Variants in NRCAM observed in about 807,000 individuals in gnomAD.
NRCAM encodes the protein NgCAM-related cell adhesion molecule.
NRCAM carries 83 observed loss-of-function variants against 156.5 expected under a neutral mutation model. The ratio of observed to expected loss-of-function variants is 0.53; its 90% CI spans 0.44 to 0.64. The LOEUF is 0.64. Among genes scored for constraint, NRCAM ranks in the 30% least tolerant of loss-of-function variants. The pLI, the probability that NRCAM is intolerant of heterozygous loss-of-function variation, is 0.00. For synonymous variants in NRCAM, 538 were observed against 563.9 expected, an observed-to-expected ratio of 0.95 and a Z score of 0.65; for missense variants, 1,417 against 1,597.3, an observed-to-expected ratio of 0.89 and a Z score of 1.92.
intron 28 of NRCAM, among the ~76,000 whole-genome samples, chr7:108,170,511 T>G (rs771754758): frequency 4.3e-4 from 65 of 152,326 alleles, no homozygotes; most frequent in Non-Finnish European, 7.3e-4. Context: ...TCAAAAAGAA[T>G]GCAACCGTTT....
chr7:108,289,488 T>A (rs2098219315), intron 3 of NRCAM, among the ~76,000 whole-genome samples: 1 of 151,994 alleles, frequency 6.6e-6, no homozygotes, highest in African/African-American at 2.4e-5. Context: ...AACTTGTTCC[T>A]CCCATCTAGC....
intron 20 of NRCAM, among the ~76,000 whole-genome samples, chr7:108,187,067 T>C (rs1339512629): frequency 6.6e-6 from 1 of 152,132 alleles, no homozygotes; most frequent in African/African-American, 2.4e-5. Context: ...GTGAATTCAC[T>C]GAAGTACCAC....
chr7:108,172,420 C>T (rs776848102), intron 28 of NRCAM, among the ~76,000 whole-genome samples: 2 of 152,088 alleles, frequency 1.3e-5, no homozygotes, highest in East Asian at 1.9e-4. Context: ...CTCCGCCTCC[C>T]GGGCAGCTAG....
chr7:108,161,462 T>G (rs1225499213), intron 30 of NRCAM, among the ~76,000 whole-genome samples: 1 of 152,238 alleles, frequency 6.6e-6, no homozygotes, highest in African/African-American at 2.4e-5. Flanking sequence ...CCATGCAGAT[T>G]TGCTTAATTA....
intron 2 of NRCAM, among the ~76,000 whole-genome samples, chr7:108,365,091 T>A (rs1417210779): frequency 6.6e-6 from 1 of 152,198 alleles, no homozygotes; most frequent in African/African-American, 2.4e-5. Context: ...CTGGGGAGTA[T>A]AATCTTTGAA....
At chr7:108,355,204 A>G (rs187224584) in intron 2 of NRCAM, among the ~76,000 whole-genome samples, 10 of 152,332 alleles carry the variant, frequency 6.6e-5, no homozygotes, top group Middle Eastern at 3.4e-3. Flanking sequence ...ATTAAAGAGC[A>G]AAGGGACCAT....
chr7:108,216,690 C>T (rs1005181557), intron 11 of NRCAM, among the ~76,000 whole-genome samples: 1 of 152,114 alleles, frequency 6.6e-6, no homozygotes, highest in South Asian at 2.1e-4. Context: ...ATCCTTTCTT[C>T]CACTTGTTTG....
chr7:108,175,247 C>T, intron 28 of NRCAM, 75 bp downstream of exon 28: 1 of 1,179,370 alleles, frequency 8.5e-7, no homozygotes, highest in East Asian at 2.8e-5. Flanking sequence ...CTCTGTTTTA[C>T]CCATGCTGCA....
intron 2 of NRCAM, among the ~76,000 whole-genome samples, chr7:108,330,884 T>G (rs1300315251): frequency 6.6e-6 from 1 of 152,196 alleles, no homozygotes; most frequent in Admixed American, 6.5e-5. Context: ...GGCACCAAAA[T>G]GTACACGCAG....
chr7:108,252,790 CTTTGG>C (rs753715535), intron 3 of NRCAM, among the ~76,000 whole-genome samples: 1 of 152,222 alleles, frequency 6.6e-6, no homozygotes, highest in Non-Finnish European at 1.5e-5. Context: ...GAAAGAAGTA[CTTTGG>C]TTTGAACTGA....
intron 3 of NRCAM, among the ~76,000 whole-genome samples, chr7:108,278,722 CG>C (rs1376022072): frequency 6.6e-6 from 1 of 152,206 alleles, no homozygotes; most frequent in Non-Finnish European, 1.5e-5. Flanking sequence ...CCCAGTGAGG[CG>C]ACACCCCACC....
At chr7:108,174,214 T>C (rs1223259856) in intron 28 of NRCAM, among the ~76,000 whole-genome samples, 1 of 152,194 alleles carries the variant, frequency 6.6e-6, no homozygotes, top group Non-Finnish European at 1.5e-5. Flanking sequence ...AAAACACAAA[T>C]ATAATACTCT....
chr7:108,283,520 C>A (rs1446466127), intron 3 of NRCAM, among the ~76,000 whole-genome samples: 1 of 152,152 alleles, frequency 6.6e-6, no homozygotes, highest in South Asian at 2.1e-4. Flanking sequence ...ATGAGGGGCA[C>A]ACGTGGGAAA....
intron 8 of NRCAM, among the ~76,000 whole-genome samples, chr7:108,227,080 C>T (rs185298705): frequency 1.3e-5 from 2 of 152,304 alleles, no homozygotes; most frequent in East Asian, 3.9e-4. Flanking sequence ...ACTCATCATA[C>T]ATATGACTTA....
intron 5 of NRCAM, among the ~76,000 whole-genome samples, chr7:108,236,498 C>A (rs963765352): frequency 1.3e-5 from 2 of 152,012 alleles, no homozygotes; most frequent in Non-Finnish European, 2.9e-5. Context: ...GATTGTTAAG[C>A]ACTAGTCTGT....
At chr7:108,248,550 T>C (rs1452707160) in intron 3 of NRCAM, among the ~76,000 whole-genome samples, 2 of 152,120 alleles carry the variant, frequency 1.3e-5, no homozygotes, top group Non-Finnish European at 2.9e-5. Context: ...GAAGTCTCAG[T>C]GCTTAACATA....
At chr7:108,392,647 G>C (rs926940051) in intron 2 of NRCAM, among the ~76,000 whole-genome samples, 1 of 152,176 alleles carries the variant, frequency 6.6e-6, no homozygotes, top group Non-Finnish European at 1.5e-5. Context: ...GATGTGCTCT[G>C]ATTTGTAGAA....
At chr7:108,272,299 G>A (rs1295111027) in intron 3 of NRCAM, among the ~76,000 whole-genome samples, 1 of 152,130 alleles carries the variant, frequency 6.6e-6, no homozygotes, top group Non-Finnish European at 1.5e-5. Flanking sequence ...TTTTGTAAAA[G>A]ATGAGATCCA....
At chr7:108,260,202 C>T (rs568850489) in intron 3 of NRCAM, among the ~76,000 whole-genome samples, 7 of 152,194 alleles carry the variant, frequency 4.6e-5, no homozygotes, top group African/African-American at 1.2e-4. Context: ...CCCTCCACCA[C>T]GTGGCCAGAA....
Sources: allele counts gnomAD v4.1 joint callset (sites outside exome capture counted in the v4.1 genomes callset), GRCh38; gene constraint gnomAD v4.1.1; transcripts MANE v1.5; gene names NCBI Gene and HGNC (gene_info 2026-07-23, HGNC 2026-07-21).